NRG1: variants seen among roughly 807,000 people sequenced by gnomAD.
NRG1 encodes pro-neuregulin-1, membrane-bound isoform.
In NRG1, 18 loss-of-function variants were observed where a neutral mutation model predicts 63.8. The ratio of observed to expected loss-of-function variants is 0.28; its 90% CI spans 0.19 to 0.42. NRG1 has a LOEUF of 0.42. NRG1 is among the 10% of genes least tolerant of loss of function. NRG1 has a pLI of 1.00. For synonymous variants in NRG1, 302 were observed against 301.3 expected (o/e 1.00, Z -0.02); for missense variants, 762 against 814.7 (o/e 0.94, Z 0.79).
intron 1 of NRG1, among the ~76,000 whole-genome samples, chr8:32,388,483 T>A (rs1023359188): frequency 4.6e-5 from 7 of 152,166 alleles, no homozygotes; most frequent in Admixed American, 2.6e-4. Flanking sequence ...AATGAATGTA[T>A]CCACAGGCAT....
intron 1 of NRG1, among the ~76,000 whole-genome samples, chr8:31,745,037 AT>A (rs1185140015): frequency 3.8e-4 from 58 of 152,008 alleles, no homozygotes; most frequent in African/African-American, 1.4e-3. Context: ...AACTAACTCA[AT>A]TTTTAATGAA....
downstream of NRG1, among the ~76,000 whole-genome samples, chr8:32,771,879 C>T (rs1397178581): frequency 3.4e-5 from 5 of 147,078 alleles, no homozygotes; most frequent in Non-Finnish European, 7.5e-5. Flanking sequence ...AAAAATTAGC[C>T]GGGCGTGGTG....
chr8:32,342,013 G>C (rs757148195), intron 1 of NRG1, among the ~76,000 whole-genome samples: 1 of 152,018 alleles, frequency 6.6e-6, no homozygotes, highest in Admixed American at 6.6e-5. Flanking sequence ...GTCATTATGT[G>C]AATTCTTGCT....
intron 1 of NRG1, among the ~76,000 whole-genome samples, chr8:32,331,889 C>T (rs778953367): frequency 2.0e-5 from 3 of 152,244 alleles, no homozygotes; most frequent in Middle Eastern, 3.4e-3. Flanking sequence ...CAGCATCTTA[C>T]ATCAGCTTGC....
At chr8:32,159,847 A>C (rs1324402775) in intron 1 of NRG1, among the ~76,000 whole-genome samples, 2 of 152,186 alleles carry the variant, frequency 1.3e-5, no homozygotes, top group Non-Finnish European at 2.9e-5. Context: ...TTTAGAGATC[A>C]ACCGTTTCAT....
At chr8:32,240,206 C>T (rs1406577433) in intron 1 of NRG1, among the ~76,000 whole-genome samples, 1 of 152,136 alleles carries the variant, frequency 6.6e-6, no homozygotes, top group Non-Finnish European at 1.5e-5. Flanking sequence ...TATACTATGA[C>T]ATACTATGAA....
chr8:32,659,440 G>A (rs1421643198), intron 5 of NRG1, among the ~76,000 whole-genome samples: 1 of 152,072 alleles, frequency 6.6e-6, no homozygotes, highest in Admixed American at 6.5e-5. Flanking sequence ...GACCCACCGT[G>A]GCCAGCCAGC....
rs546223910 is a variant in NRG1, at chr8:32,618,012, T to C, written c.502+1127T>C. Among the ~76,000 whole-genome samples the C allele has an allele frequency of 2.1e-4, 32 of 152,276 alleles. 1 individual carries two copies. In the South Asian group the frequency reaches 5.0e-3, roughly 24 times the overall value. ...GATTGATGGCAATAGCCTGGTGAGATCAAACAGGAAATGAAATGCTAGAAA... is the reference window on the plus strand; with the variant it reads ...GATTGATGGCAATAGCCTGGTGAGACCAAACAGGAAATGAAATGCTAGAAA... On this transcript the variant is annotated intron_variant, in intron 5 of 11. Coordinates refer to ENST00000356819, the Ensembl canonical transcript of NRG1.
In NRG1 at chr8:31,956,450, T is replaced by C. The variant is rs188695406; in HGVS notation, c.37+317019T>C. On this transcript the variant is annotated intron_variant, in intron 1 of 10. Transcript: ENST00000519301. ...GGCTAACATGGTGAAACCCCATCTC[T>C]ACTAAAAAAATACAAAAAAATTAGC... Among the ~76,000 whole-genome samples the C allele has an allele frequency of 9.2e-4, 139 of 151,746 alleles. 1 individual carries two copies. The East Asian group carries it at 0.023, about 25-fold the overall frequency.
rs974933102 is a variant in NRG1, at chr8:32,646,627, G to A, written c.502+29742G>A. On this transcript the variant is annotated intron_variant, in intron 5 of 11. Transcript: ENST00000356819. ...TTTCTCTGACCCAACAGTGGGTGAA[G>A]GAAAGAGACTGAAAGCTGGCAAGGT... The A allele has an allele frequency of 6.4e-6, 6 of 941,302 alleles. No individual in the cohort carries two copies. In the African/African-American group the frequency reaches 1.1e-4, roughly 17 times the overall value. The allele number at this position is 941,302 out of a possible 1,614,324, so 58.3% of individuals were successfully genotyped here. A position where few individuals can be genotyped will look rare whatever the true frequency, so the allele number is the denominator to read the frequency against.
At chr8:32,321,998 T>C (rs1801446922) in intron 1 of NRG1, among the ~76,000 whole-genome samples, 1 of 152,114 alleles carries the variant, frequency 6.6e-6, no homozygotes, top group African/African-American at 2.4e-5. Context: ...AGTAAATATT[T>C]CTTTTCCAGC....
At chr8:32,199,409 T>G (rs1472898176) in intron 1 of NRG1, among the ~76,000 whole-genome samples, 1 of 152,236 alleles carries the variant, frequency 6.6e-6, no homozygotes, top group East Asian at 1.9e-4. Context: ...TCTATCATCC[T>G]GAGACTTCAT....
intron 1 of NRG1, among the ~76,000 whole-genome samples, chr8:32,475,463 CAAAAA>C (rs55906650): frequency 6.1e-5 from 5 of 81,696 alleles, no homozygotes; most frequent in Admixed American, 5.8e-4. Flanking sequence ...GACTCTGTCT[CAAAAA>C]AAAAAAAAAA....
intron 1 of NRG1, among the ~76,000 whole-genome samples, chr8:32,126,113 A>T (rs114537351): frequency 6.6e-6 from 1 of 151,918 alleles, no homozygotes; most frequent in Non-Finnish European, 1.5e-5. Flanking sequence ...TTACTCCACA[A>T]CAATTTATTG....
rs926651753 is a variant in NRG1, at chr8:32,211,156, A to T, written c.38-384672A>T. 3.3e-5 allele frequency among the ~76,000 whole-genome samples: 5 copies of T among 152,218 alleles called. No individual in the cohort carries two copies. The East Asian group carries it at 9.6e-4, about 29-fold the overall frequency. On this transcript the variant is annotated intron_variant, in intron 1 of 10. Coordinates refer to the NRG1 transcript ENST00000519301. ...CTTATAGCCCTTTTTGTTGTCAAAA[A>T]TAAGCAAAGATAAAGGGGAAAGATT...
chr8:32,445,847 G>T (rs1231059404), intron 1 of NRG1, among the ~76,000 whole-genome samples: 2 of 152,082 alleles, frequency 1.3e-5, no homozygotes, highest in Non-Finnish European at 2.9e-5. Flanking sequence ...AGCACCTGAA[G>T]ATCACTAGGC....
At chr8:32,463,918 G>GTTTTTTTTTTT (rs200324300) in intron 1 of NRG1, among the ~76,000 whole-genome samples, 2 of 68,638 alleles carry the variant, frequency 2.9e-5, no homozygotes, top group East Asian at 6.2e-4. Flanking sequence ...TTTTTTGGGG[G>GTTTTTTTTTTT]AGGGTCTCAT....
chr8:31,695,449 C>T (rs527773445), intron 1 of NRG1, among the ~76,000 whole-genome samples: 3 of 152,232 alleles, frequency 2.0e-5, no homozygotes, highest in Non-Finnish European at 2.9e-5. Context: ...GGATTGCAAG[C>T]GTGAGCCACC....
intron 5 of NRG1, among the ~76,000 whole-genome samples, chr8:32,674,403 G>C (rs1806511060): frequency 1.3e-5 from 2 of 152,086 alleles, no homozygotes; most frequent in Admixed American, 6.5e-5. Context: ...CTTTCAATTT[G>C]TGCTCAATTT....
Sources: gnomAD v4.1 joint callset for allele counts (sites outside exome capture counted in the v4.1 genomes callset) on GRCh38, gnomAD v4.1.1 for gene constraint, MANE v1.5 for transcripts, NCBI Gene and HGNC (gene_info 2026-07-23, HGNC 2026-07-21) for gene names.